The following TRERF1 variants were observed in gnomAD, a reference collection of about 807,000 sequenced individuals.
The protein encoded by TRERF1 is transcriptional regulating factor 1, also known as transcriptional-regulating factor 1.
TRERF1 carries 27 observed loss-of-function variants against 122.9 expected under a neutral mutation model. The observed-to-expected ratio is 0.22, with a 90% confidence interval of 0.16 to 0.30. TRERF1 has a LOEUF of 0.30. TRERF1 is among the 10% of genes least tolerant of loss of function. The pLI, the probability that TRERF1 is intolerant of heterozygous loss-of-function variation, is 1.00. For missense variants in TRERF1, 1,248 were observed against 1,560.3 expected, an observed-to-expected ratio of 0.80 and a Z score of 3.37; for synonymous variants, 636 against 641.7, an observed-to-expected ratio of 0.99 and a Z score of 0.13.
chr6:42,263,664 A>G lies in TRERF1; in HGVS notation c.1636-96T>C, dbSNP rs1339946428. ...CCCGAAAGGTTCCAGGACATCAGGT[A>G]TGGGTGATAGAGAACCGCTGCAGGG... On this transcript the variant is annotated intron_variant, in intron 7 of 17. Coordinates refer to ENST00000372922, the Ensembl canonical transcript of TRERF1. The surrounding 1 kb of genome is among the most constrained non-coding windows in gnomAD (Gnocchi z 5.6). 2.9e-6 allele frequency: 4 copies of G among 1,373,762 alleles called. No individual in the cohort carries two copies. The highest frequency in any genetic ancestry group is 1.9e-6 in the Non-Finnish European group (2 of 1,059,998). The allele number at this position is 1,373,762 out of a possible 1,614,324, so 85.1% of individuals were successfully genotyped here. A position where few individuals can be genotyped will look rare whatever the true frequency, so the allele number is the denominator to read the frequency against.
chr6:42,303,159 G>A (rs1052089019), intron 3 of TRERF1, among the ~76,000 whole-genome samples: 5 of 152,200 alleles, frequency 3.3e-5, no homozygotes, highest in Non-Finnish European at 7.3e-5. Context: ...CTGGTGCCTA[G>A]TATGTACTAG....
At chr6:42,376,147 A>C (rs1445224376) in intron 2 of TRERF1, among the ~76,000 whole-genome samples, 1 of 152,156 alleles carries the variant, frequency 6.6e-6, no homozygotes, top group Non-Finnish European at 1.5e-5. Flanking sequence ...GGCCACCCCC[A>C]GTTCCAGGGC....
At chr6:42,383,548 G>C (rs934118284) in intron 2 of TRERF1, among the ~76,000 whole-genome samples, 6 of 151,982 alleles carry the variant, frequency 3.9e-5, no homozygotes, top group Non-Finnish European at 7.4e-5. Context: ...ACTGTTCCCC[G>C]CTCCGACGAG....
intron 2 of TRERF1, among the ~76,000 whole-genome samples, chr6:42,423,140 T>C (rs1310342665): frequency 6.6e-6 from 1 of 152,148 alleles, no homozygotes; most frequent in African/African-American, 2.4e-5. Context: ...TGCCCAGCCA[T>C]GGGCATCTTT....
Position 42,252,645 on chromosome 6 carries a change from C to A in TRERF1, c.2656+2206G>T, listed in dbSNP as rs1004215229. On this transcript the variant is annotated intron_variant, in intron 13 of 17. Coordinates refer to ENST00000372922, the Ensembl canonical transcript of TRERF1. ...GGGCCATGGAGATGGGATTCACTGA[C>A]ACCTGGGAAGCAAATGAGGGGGTTC... 2.0e-5 allele frequency among the ~76,000 whole-genome samples: 3 copies of A among 152,188 alleles called. No individual in the cohort carries two copies. In the East Asian group the frequency reaches 5.8e-4, roughly 29 times the overall value.
chr6:42,232,883 A>G lies in TRERF1; in HGVS notation c.3076T>C (p.Ser1026Pro). ...GCATGGCCATTCAGTGCCTGTCGGG[A>G]GCTGAACACCTGGGGAAGAAAGGGA... Residue 1026 changes from serine (S) to proline (P), a missense_variant, in exon 17 of 18, where the codon TCC becomes CCC. Physicochemically the swap from Ser to Pro is moderately conservative, Grantham distance 74. This residue lies in a region of TRERF1 where 159 missense variants were observed against 221.7 expected (regional missense o/e 0.72). Transcript: ENST00000372922. This position sits in a 1 kb window ranked among gnomAD's most constrained non-coding sequence, Gnocchi z 4.5. 6.2e-7 allele frequency: 1 copy of G among 1,601,708 alleles called. No homozygotes were observed. Among genetic ancestry groups the G allele is most frequent in the Non-Finnish European group, 8.5e-7 (1 of 1,173,148 alleles).
chr6:42,299,371 T>G (rs1341552288), intron 4 of TRERF1, among the ~76,000 whole-genome samples: 4 of 151,718 alleles, frequency 2.6e-5, no homozygotes, highest in Non-Finnish European at 5.9e-5. Flanking sequence ...GCAGAAAAAA[T>G]TAAATGCATG....
chr6:42,376,339 C>G (rs1359907524), intron 2 of TRERF1, among the ~76,000 whole-genome samples: 1 of 152,114 alleles, frequency 6.6e-6, no homozygotes, highest in Non-Finnish European at 1.5e-5. Context: ...ATGAATGCTT[C>G]CAGAGGATCG....
At chr6:42,361,974 C>G (rs971641907) in intron 3 of TRERF1, among the ~76,000 whole-genome samples, 9 of 152,156 alleles carry the variant, frequency 5.9e-5, no homozygotes, top group Non-Finnish European at 1.0e-4. Flanking sequence ...GATTGCATTC[C>G]TCTACCAGGG....
intron 3 of TRERF1, among the ~76,000 whole-genome samples, chr6:42,357,399 C>T (rs1770795560): frequency 6.7e-6 from 1 of 150,366 alleles, no homozygotes; most frequent in African/African-American, 2.5e-5. Context: ...TATAAGCATA[C>T]GAGCACAGAT....
At chr6:42,416,273 T>G (rs1041694515) in intron 2 of TRERF1, among the ~76,000 whole-genome samples, 3 of 152,272 alleles carry the variant, frequency 2.0e-5, no homozygotes, top group Admixed American at 1.3e-4. Flanking sequence ...GTTATATAAT[T>G]ATGGTGTTTA....
chr6:42,371,406 A>C (rs540372451), intron 2 of TRERF1, among the ~76,000 whole-genome samples: 23 of 152,284 alleles, frequency 1.5e-4, no homozygotes, highest in African/African-American at 5.3e-4. Context: ...GATCTAGGCC[A>C]ACAGGAGTGG....
At chr6:42,234,886 A>G (rs1228403089) in intron 16 of TRERF1, among the ~76,000 whole-genome samples, 1 of 152,236 alleles carries the variant, frequency 6.6e-6, no homozygotes, top group African/African-American at 2.4e-5. Context: ...TATTGTACAT[A>G]GAGCTATGAT....
intron 2 of TRERF1, among the ~76,000 whole-genome samples, chr6:42,425,871 G>A (rs1783574026): frequency 6.6e-6 from 1 of 151,914 alleles, no homozygotes; most frequent in Non-Finnish European, 1.5e-5. Flanking sequence ...TTCTCTGCAT[G>A]GGGCTGCTTT....
At chr6:42,364,944 C>T (rs964662351) in intron 2 of TRERF1, among the ~76,000 whole-genome samples, 2 of 152,118 alleles carry the variant, frequency 1.3e-5, no homozygotes, top group Non-Finnish European at 2.9e-5. Flanking sequence ...AGGGTTCTCT[C>T]TGGCCAGGAG....
chr6:42,260,301 T>G (rs1466243019), intron 8 of TRERF1, among the ~76,000 whole-genome samples: 1 of 151,904 alleles, frequency 6.6e-6, no homozygotes, highest in Non-Finnish European at 1.5e-5. Context: ...TGTGCTCACC[T>G]AAAAACGGAT....
chr6:42,242,767 T>G (rs1204580077), intron 15 of TRERF1, among the ~76,000 whole-genome samples: 3 of 152,220 alleles, frequency 2.0e-5, no homozygotes, highest in Non-Finnish European at 4.4e-5. Context: ...TCCTTAATGA[T>G]GGAGGGTTCC....
chr6:42,289,437 T>A (rs774678180), intron 4 of TRERF1, among the ~76,000 whole-genome samples: 9 of 97,546 alleles, frequency 9.2e-5, no homozygotes, highest in Non-Finnish European at 1.6e-4. Flanking sequence ...TAAGTTCTTC[T>A]GTTCAAGGCC....
intron 2 of TRERF1, among the ~76,000 whole-genome samples, chr6:42,372,173 T>C (rs1057064971): frequency 7.2e-5 from 11 of 151,898 alleles, no homozygotes; most frequent in Admixed American, 2.0e-4. Flanking sequence ...CAGAGCAAAA[T>C]TCAGTCTCAA....
Sources: allele counts gnomAD v4.1 joint callset (sites outside exome capture counted in the v4.1 genomes callset), GRCh38; gene constraint gnomAD v4.1.1; regional missense constraint gnomAD v4.1.1; non-coding constraint Gnocchi (gnomAD v3.1); transcripts MANE v1.5; gene names NCBI Gene and HGNC (gene_info 2026-07-23, HGNC 2026-07-21).